The following HCAR2 variants were observed in gnomAD, a reference collection of about 807,000 sequenced individuals.
The protein encoded by HCAR2 is G protein-coupled receptor HM74a.
For missense variants in HCAR2, 346 were observed against 476.6 expected, an observed-to-expected ratio of 0.73 and a Z score of 2.55; for synonymous variants, 156 against 189.4, an observed-to-expected ratio of 0.82 and a Z score of 1.45.
chr12:122,703,026 G>A lies in HCAR2; in HGVS notation c.258C>T (p.Asn86=). ...ACTTCCAGTCCCAACGCCTCACATA[G>A]TTGTCCATCAGGAAGGGCAGGCAGA... is the stretch of plus-strand genomic sequence containing the variant. ...LIICLPFLMD[N]YVRRWDWKFG... Residue 86 remains asparagine, a synonymous_variant, in exon 1 of 1, where the codon AAC becomes AAT. Coordinates refer to ENST00000328880, the MANE Select transcript of HCAR2 (RefSeq NM_177551.4). The A allele has an allele frequency of 1.2e-6, 2 of 1,614,110 alleles. No homozygotes were observed. The highest frequency in any genetic ancestry group is 2.7e-5 in the African/African-American group (2 of 75,022).
Position 122,703,026 on chromosome 12 carries a change from G to C in HCAR2, c.258C>G (p.Asn86Lys), listed in dbSNP as rs528311075. The C allele has an allele frequency of 6.2e-7, 1 of 1,614,110 alleles. No individual in the cohort carries two copies. Among genetic ancestry groups the C allele is most frequent in the African/African-American group, 1.3e-5 (1 of 75,022 alleles). The change falls in exon 1 of 1, where the codon AAC becomes AAG. Residue 86 changes from asparagine (N) to lysine (K), a missense_variant. Physicochemically the swap from Asn to Lys is moderately conservative, Grantham distance 94. Transcript: ENST00000328880. ...ACTTCCAGTCCCAACGCCTCACATA[G>C]TTGTCCATCAGGAAGGGCAGGCAGA... ...LIICLPFLMD[N>K]YVRRWDWKFG...
chr12:122,703,026 G>T lies in HCAR2; in HGVS notation c.258C>A (p.Asn86Lys). The change falls in exon 1 of 1, where the codon AAC (asparagine) becomes AAA (lysine). Residue 86 changes from asparagine (N) to lysine (K), a missense_variant. Asn to Lys is a moderately conservative substitution (Grantham distance 94). Transcript: ENST00000328880. ...LIICLPFLMD[N>K]YVRRWDWKFG... ...ACTTCCAGTCCCAACGCCTCACATAGTTGTCCATCAGGAAGGGCAGGCAGA... is the reference window on the plus strand; with the variant it reads ...ACTTCCAGTCCCAACGCCTCACATATTTGTCCATCAGGAAGGGCAGGCAGA... 3.7e-6 allele frequency: 6 copies of T among 1,614,110 alleles called. No homozygotes were observed. The highest frequency in any genetic ancestry group is 5.1e-6 in the Non-Finnish European group (6 of 1,180,010).
In HCAR2 at chr12:122,702,152, C is replaced by A. The variant is rs143443624; in HGVS notation, c.*40G>T. On this transcript the variant is annotated 3_prime_UTR_variant, in exon 1 of 1. Coordinates refer to ENST00000328880, the MANE Select transcript of HCAR2 (RefSeq NM_177551.4). Reference sequence around the variant, plus strand: ...ACAGCCCAACTGTTTCTCCAGAGATCCTGGTTCTTGGTGACAATGTCCCTT... The same window carrying A: ...ACAGCCCAACTGTTTCTCCAGAGATACTGGTTCTTGGTGACAATGTCCCTT... 3 of 1,551,390 alleles carry A rather than the reference C, an allele frequency of 1.9e-6. No homozygotes were observed. Among genetic ancestry groups the A allele is most frequent in the Admixed American group, 1.7e-5 (1 of 58,950 alleles).
chr12:122,703,225 A>T lies in HCAR2; in HGVS notation c.59T>A (p.Val20Glu). 3.7e-6 allele frequency: 6 copies of T among 1,614,130 alleles called. No individual in the cohort carries two copies. The South Asian group carries it at 6.6e-5, about 18-fold the overall frequency. The change falls in exon 1 of 1, where the codon GTG becomes GAG. Residue 20 changes from valine (V) to glutamate (E), a missense_variant. Val to Glu is a moderately radical substitution (Grantham distance 121, BLOSUM62 -2). Coordinates refer to ENST00000328880, the MANE Select transcript of HCAR2 (RefSeq NM_177551.4). ...FLEIDKKNCC[V>E]FRDDFIVKVL... ...CTTGACAATGAAGTCATCTCGGAAC[A>T]CACAGCAGTTCTTCTTGTCTATTTC...
rs942524439 is a variant in HCAR2, at chr12:122,702,010, C to T, written c.*182G>A. ...ACTCTCTATTCCTCCAGGATTCCTG[C>T]GGTCACACCTTGCAACCAGTCTCCC... On this transcript the variant is annotated 3_prime_UTR_variant, in exon 1 of 1. Transcript: ENST00000328880. 1.7e-5 allele frequency: 18 copies of T among 1,076,238 alleles called. No individual in the cohort carries two copies. The highest frequency in any genetic ancestry group is 1.0e-4 in the East Asian group (4 of 39,812). The allele number at this position is 1,076,238 out of a possible 1,614,324, so 66.7% of individuals were successfully genotyped here. A position where few individuals can be genotyped will look rare whatever the true frequency, so the allele number is the denominator to read the frequency against.
rs1464250255 is a variant in HCAR2 at position 122,703,037 on chromosome 12, G to C, written c.247C>G (p.Leu83Val). The C allele has an allele frequency of 6.2e-7, 1 of 1,614,132 alleles. No individual in the cohort carries two copies. ...DFLLIICLPF[L>V]MDNYVRRWDW... ...CAACGCCTCACATAGTTGTCCATCA[G>C]GAAGGGCAGGCAGATGATCAGTAGA... The change falls in exon 1 of 1, where the codon CTG (leucine) becomes GTG (valine). Residue 83 changes from leucine to valine, a missense_variant. Physicochemically the swap from Leu to Val is conservative, Grantham distance 32. Coordinates refer to ENST00000328880, the MANE Select transcript of HCAR2 (RefSeq NM_177551.4).
Position 122,702,539 on chromosome 12 carries a change from C to G in HCAR2, c.745G>C (p.Val249Leu), listed in dbSNP as rs1390876056. 1 of 1,614,206 alleles carries G rather than the reference C, an allele frequency of 6.2e-7. No individual in the cohort carries two copies. The highest frequency in any genetic ancestry group is 2.2e-5 in the East Asian group (1 of 44,888). The change falls in exon 1 of 1, where the codon GTT becomes CTT. Residue 249 changes from valine to leucine, a missense_variant. Physicochemically the swap from Val to Leu is conservative, Grantham distance 32 (BLOSUM62 1). Coordinates refer to ENST00000328880, the MANE Select transcript of HCAR2 (RefSeq NM_177551.4). ...AGCCAGAAGATGCGGATCCGCACAA[C>G]CACGCTGGGAAGGAAGCAGATGACA... ...VFVICFLPSV[V>L]VRIRIFWLLH...
chr12:122,702,133 C>G lies in HCAR2; in HGVS notation c.*59G>C, dbSNP rs776072327. The G allele has an allele frequency of 2.9e-5, 47 of 1,611,630 alleles. No individual in the cohort carries two copies. Among genetic ancestry groups the G allele is most frequent in the Non-Finnish European group, 3.8e-5 (45 of 1,179,218 alleles). The stretch of plus-strand genomic sequence containing the variant: ...AGTGACATTACTCGATGCAACAGCC[C>G]AACTGTTTCTCCAGAGATCCTGGTT... On this transcript the variant is annotated 3_prime_UTR_variant, in exon 1 of 1. Coordinates refer to ENST00000328880, the MANE Select transcript of HCAR2 (RefSeq NM_177551.4).
chr12:122,702,372 GA>G lies in HCAR2; in HGVS notation c.911del (p.Phe304SerfsTer5). The G allele has an allele frequency of 6.2e-7, 1 of 1,614,242 alleles. No individual in the cohort carries two copies. The highest frequency in any genetic ancestry group is 8.5e-7 in the Non-Finnish European group (1 of 1,180,046). ...GGCAGCGGTTGATCAAAGTGGAGAA[GA>G]AGTTGGGAAAGGATGGGCTGGAGAA... Reference protein sequence around the residue: ...YYFSSPSFPNFFSTLINRCLQ... With the variant: ...YYFSSPSFPNXFSTLINRCLQ... On this transcript the variant is annotated frameshift_variant, in exon 1 of 1. Transcript: ENST00000328880. LOFTEE classifies it low-confidence loss of function (END_TRUNC).
chr12:122,703,320 A>G lies in HCAR2; in HGVS notation c.-37T>C. 6.2e-7 allele frequency: 1 copy of G among 1,604,344 alleles called. No individual in the cohort carries two copies. The highest frequency in any genetic ancestry group is 8.5e-7 in the Non-Finnish European group (1 of 1,173,470). On this transcript the variant is annotated 5_prime_UTR_variant, in exon 1 of 1. Transcript: ENST00000328880. ...GTGAGTCCGATGGAGCGCCTCGCCT[A>G]GTGAATGCTCCAGCAAGGAGGTGTG...
At position 122,703,311 on chromosome 12, in the gene HCAR2, G is replaced by A. The variant is rs199713408; in HGVS notation, c.-28C>T. ...GTGCGGCTAGTGAGTCCGATGGAGC[G>A]CCTCGCCTAGTGAATGCTCCAGCAA... On this transcript the variant is annotated 5_prime_UTR_variant, in exon 1 of 1. Transcript: ENST00000328880. 1,342 of 1,607,660 alleles carry A rather than the reference G, an allele frequency of 8.3e-4. 23 individuals carry two copies. The South Asian group carries it at 0.013, about 16-fold the overall frequency.
In HCAR2 at chr12:122,702,508, T is replaced by A. The variant is rs764476322; in HGVS notation, c.776A>T (p.His259Leu). Residue 259 changes from histidine to leucine, a missense_variant, in exon 1 of 1, where the codon CAC (histidine) becomes CTC (leucine). Physicochemically the swap from His to Leu is moderately conservative, Grantham distance 99. Coordinates refer to ENST00000328880, the MANE Select transcript of HCAR2 (RefSeq NM_177551.4). ...VVRIRIFWLL[H>L]TSGTQNCEVY... is the part of the protein sequence containing the mutation. ...TTCACAATTCTGCGTGCCCGAAGTG[T>A]GCAGGAGCCAGAAGATGCGGATCCG... 29 of 1,613,974 alleles carry A rather than the reference T, an allele frequency of 1.8e-5. No individual in the cohort carries two copies. The East Asian group carries it at 6.2e-4, about 35-fold the overall frequency.
In HCAR2 at chr12:122,702,888, G is replaced by A. The variant is rs964281307; in HGVS notation, c.396C>T (p.Pro132=). Residue 132 remains proline, a synonymous_variant, in exon 1 of 1, where the codon CCC becomes CCT. Transcript: ENST00000328880. Reference sequence around the variant, plus strand: ...TGGAGATCTTGTTCAGGGCGTGGTGGGGATGGACCACCCGGAAATACCTGT... The same window carrying A: ...TGGAGATCTTGTTCAGGGCGTGGTGAGGATGGACCACCCGGAAATACCTGT... ...AVDRYFRVVH[P]HHALNKISNR... is the part of the protein sequence containing the mutation. The A allele has an allele frequency of 6.2e-7, 1 of 1,614,016 alleles. No homozygotes were observed. The highest frequency in any genetic ancestry group is 8.5e-7 in the Non-Finnish European group (1 of 1,180,032).
rs1220623609 is a variant in HCAR2 at position 122,702,121 on chromosome 12, G to A, written c.*71C>T. 13 of 1,606,692 alleles carry A rather than the reference G, an allele frequency of 8.1e-6. No homozygotes were observed. The East Asian group carries it at 1.8e-4, about 22-fold the overall frequency. ...TAGGCCGAGTCCAGTGACATTACTC[G>A]ATGCAACAGCCCAACTGTTTCTCCA... is the stretch of plus-strand genomic sequence containing the variant. On this transcript the variant is annotated 3_prime_UTR_variant, in exon 1 of 1. Coordinates refer to ENST00000328880, the MANE Select transcript of HCAR2 (RefSeq NM_177551.4).
At position 122,701,834 on chromosome 12, in the gene HCAR2, T is replaced by C. The variant is rs492699; in HGVS notation, c.*358A>G. ...ATATCACCCCAGGAGCTGAGCCCCC[T>C]CCAGTCTGAGGCAGATGTGGGAAGA... is the stretch of plus-strand genomic sequence containing the variant. On this transcript the variant is annotated 3_prime_UTR_variant, in exon 1 of 1. Coordinates refer to ENST00000328880, the MANE Select transcript of HCAR2 (RefSeq NM_177551.4). 93,943 of 337,294 alleles carry C rather than the reference T, an allele frequency of 0.28. 10,049 individuals are homozygous for C. Among genetic ancestry groups the C allele is most frequent in the East Asian group, 0.55 (11,138 of 20,242 alleles). 20.9% of individuals were successfully genotyped at this position (337,294 alleles called of 1,614,324 possible).
rs1877073811 is a variant in HCAR2, at chr12:122,701,642, C to T, written c.*550G>A. On this transcript the variant is annotated 3_prime_UTR_variant, in exon 1 of 1. Transcript: ENST00000328880. ...GATATTAACCAAAGCGTGTGAGTCT[C>T]TTCCCTGAGTCCATTTCTGCTAAAG... 1 of 173,360 alleles carries T rather than the reference C, an allele frequency of 5.8e-6. No homozygotes were observed. Among genetic ancestry groups the T allele is most frequent in the African/African-American group, 2.4e-5 (1 of 41,812 alleles). The allele number at this position is 173,360 out of a possible 1,614,324, so 10.7% of individuals were successfully genotyped here.
chr12:122,702,018 C>T lies in HCAR2; in HGVS notation c.*174G>A. 1 of 1,147,794 alleles carries T rather than the reference C, an allele frequency of 8.7e-7. No homozygotes were observed. Among genetic ancestry groups the T allele is most frequent in the Non-Finnish European group, 1.2e-6 (1 of 802,608 alleles). 71.1% of individuals were successfully genotyped at this position (1,147,794 alleles called of 1,614,324 possible). ...TTCCTCCAGGATTCCTGCGGTCACA[C>T]CTTGCAACCAGTCTCCCACTCATCT... On this transcript the variant is annotated 3_prime_UTR_variant, in exon 1 of 1. Transcript: ENST00000328880.
In HCAR2 at chr12:122,701,563, G is replaced by A. The variant is rs1481626546; in HGVS notation, c.*629C>T. On this transcript the variant is annotated 3_prime_UTR_variant, in exon 1 of 1. Coordinates refer to ENST00000328880, the MANE Select transcript of HCAR2 (RefSeq NM_177551.4). ...CCATTTCCTTTCCCATAATAACACT[G>A]TTTAGCTCAGTCCCTTCTGGGGCTA... The A allele has an allele frequency of 6.4e-6, 1 of 157,158 alleles. No homozygotes were observed. The highest frequency in any genetic ancestry group is 6.0e-5 in the Admixed American group (1 of 16,698). 9.7% of individuals were successfully genotyped at this position (157,158 alleles called of 1,614,324 possible).
rs567293847 is a variant in HCAR2, at chr12:122,701,458, C to G, written c.*734G>C. 1 of 152,260 alleles carries G rather than the reference C, an allele frequency of 6.6e-6. No individual in the cohort carries two copies. Among genetic ancestry groups the G allele is most frequent in the Non-Finnish European group, 1.5e-5 (1 of 68,168 alleles). The allele number at this position is 152,260 out of a possible 1,614,324, so 9.4% of individuals were successfully genotyped here. ...GGGAAACAGCTTTCTATCCTGAAGC[C>G]GTTTTAACTGCCCAACCCTTAGATT... On this transcript the variant is annotated 3_prime_UTR_variant, in exon 1 of 1. Transcript: ENST00000328880.
Sources: allele counts gnomAD v4.1 joint callset, GRCh38; gene constraint gnomAD v4.1.1; transcripts MANE v1.5; gene names NCBI Gene and HGNC (gene_info 2026-07-23, HGNC 2026-07-21).